Variants in C2orf42 observed in about 807,000 individuals in gnomAD.
C2orf42 encodes uncharacterized protein C2orf42.
Under a neutral mutation model 58.9 loss-of-function variants are expected in C2orf42, and 44 were observed. The ratio of observed to expected loss-of-function variants is 0.75; its 90% CI spans 0.59 to 0.96. C2orf42 has a LOEUF of 0.96. C2orf42 is among the 40% of genes least tolerant of loss of function. The probability of loss-of-function intolerance (pLI) is 0.00; values close to 1 mark genes in which losing one functional copy is unlikely to be tolerated. For missense variants in C2orf42, 630 were observed against 699.2 expected (o/e 0.90, Z 1.12); for synonymous variants, 239 against 265.4 (o/e 0.90, Z 0.97).
At chr2:70,179,080 T>C (rs1005967277) in intron 4 of C2orf42, among the ~76,000 whole-genome samples, 4 of 152,090 alleles carry the variant, frequency 2.6e-5, no homozygotes, top group Non-Finnish European at 5.9e-5. Flanking sequence ...GGATGAAAAC[T>C]TCATAATACT....
At chr2:70,153,687 A>C (rs972072879) in intron 9 of C2orf42, among the ~76,000 whole-genome samples, 1 of 151,416 alleles carries the variant, frequency 6.6e-6, no homozygotes, top group Non-Finnish European at 1.5e-5. Context: ...AAAAAAAAAA[A>C]AACTACATAA....
chr2:70,189,157 C>T (rs1015705478), intron 1 of C2orf42, among the ~76,000 whole-genome samples: 3 of 151,946 alleles, frequency 2.0e-5, no homozygotes, highest in Non-Finnish European at 4.4e-5. Flanking sequence ...CCTGTAATCC[C>T]AGCACTTTGG....
At position 70,184,950 on chromosome 2, in the gene C2orf42, C is replaced by T. The variant is rs1311423406; in HGVS notation, c.-281-2015G>A. 4.0e-5 allele frequency among the ~76,000 whole-genome samples: 6 copies of T among 151,672 alleles called. No individual in the cohort carries two copies. In the South Asian group the frequency reaches 8.3e-4, roughly 21 times the overall value. ...CTAAAAATACAAAAAATTAGCCGGGCGTGGTGGCGGGCACCTGTAGTCCCA... is the reference window on the plus strand; with the variant it reads ...CTAAAAATACAAAAAATTAGCCGGGTGTGGTGGCGGGCACCTGTAGTCCCA... On this transcript the variant is annotated intron_variant, in intron 1 of 9. Transcript: ENST00000264434.
intron 9 of C2orf42, among the ~76,000 whole-genome samples, chr2:70,156,785 C>T (rs1410031233): frequency 6.6e-6 from 1 of 151,036 alleles, no homozygotes; most frequent in Non-Finnish European, 1.5e-5. Flanking sequence ...TCGCTTGAGC[C>T]CAGGAGTTTG....
At chr2:70,164,419 G>GTCA (rs1345501867) in intron 8 of C2orf42, among the ~76,000 whole-genome samples, 1 of 151,964 alleles carries the variant, frequency 6.6e-6, no homozygotes, top group Non-Finnish European at 1.5e-5. Flanking sequence ...GGATCATGAG[G>GTCA]TCAGGAATTT....
intron 1 of C2orf42, among the ~76,000 whole-genome samples, chr2:70,183,588 C>T (rs1417642304): frequency 6.6e-6 from 1 of 151,640 alleles, no homozygotes; most frequent in African/African-American, 2.4e-5. Context: ...TGCCACCATG[C>T]CCGGCTAATT....
At chr2:70,189,341 G>C (rs77763467) in intron 1 of C2orf42, among the ~76,000 whole-genome samples, 8,604 of 145,246 alleles carry the variant, frequency 0.059, 318 homozygotes, top group East Asian at 0.17. Context: ...GGGAGCCAGA[G>C]GTTGCGGTGA....
intron 4 of C2orf42, among the ~76,000 whole-genome samples, chr2:70,176,402 G>C (rs1260916621): frequency 6.6e-6 from 1 of 151,974 alleles, no homozygotes; most frequent in African/African-American, 2.4e-5. Flanking sequence ...TACTCAGGAG[G>C]CTGAGGCAGG....
chr2:70,158,218 G>C (rs996714951), intron 9 of C2orf42, among the ~76,000 whole-genome samples: 43 of 149,186 alleles, frequency 2.9e-4, no homozygotes, highest in African/African-American at 9.6e-4. Flanking sequence ...AAAAAAGAAA[G>C]AAATTAAAGA....
intron 5 of C2orf42, among the ~76,000 whole-genome samples, chr2:70,172,017 A>T (rs1038265991): frequency 8.8e-5 from 13 of 147,620 alleles, no homozygotes; most frequent in Admixed American, 2.0e-4. Context: ...GAGGTCAGGA[A>T]TTCGAGACCA....
intron 6 of C2orf42, among the ~76,000 whole-genome samples, chr2:70,165,915 G>T (rs980994142): frequency 2.0e-5 from 3 of 151,928 alleles, no homozygotes; most frequent in Admixed American, 6.6e-5. Flanking sequence ...TTTTGAGATG[G>T]AGTCTCACTC....
chr2:70,160,820 G>A, intron 8 of C2orf42, 33 bp from the exon 9 acceptor site: 1 of 1,502,078 alleles, frequency 6.7e-7, no homozygotes, highest in African/African-American at 1.4e-5. Flanking sequence ...AAAAAGGTGA[G>A]AGAGAAAACT....
chr2:70,189,484 G>A (rs1484223738), intron 1 of C2orf42, among the ~76,000 whole-genome samples: 3 of 150,302 alleles, frequency 2.0e-5, no homozygotes, highest in Non-Finnish European at 3.0e-5. Flanking sequence ...TTGGGAGGCC[G>A]AGGCGGGCAG....
chr2:70,173,430 T>C (rs927072726), intron 5 of C2orf42, among the ~76,000 whole-genome samples: 2 of 151,544 alleles, frequency 1.3e-5, no homozygotes, highest in Admixed American at 6.6e-5. Flanking sequence ...CATGCCACCA[T>C]ACTTGGCTAC....
chr2:70,169,664 A>AG lies in C2orf42; in HGVS notation c.1040-4dup, dbSNP rs761598784. On this transcript the variant is annotated splice_region_variant and splice_polypyrimidine_tract_variant and intron_variant, in intron 5 of 9. Coordinates refer to ENST00000264434, the MANE Select transcript of C2orf42 (RefSeq NM_017880.3). ...CTCATCTAACAGCTGACCACAGGCT[A>AG]GGGAAAAAAAAACCACACATACACA... 5 of 1,511,988 alleles carry AG rather than the reference A, an allele frequency of 3.3e-6. No homozygotes were observed. In the South Asian group the frequency reaches 4.5e-5, roughly 14 times the overall value. The allele number at this position is 1,511,988 out of a possible 1,614,324, so 93.7% of individuals were successfully genotyped here. A position where few individuals can be genotyped will look rare whatever the true frequency, so the allele number is the denominator to read the frequency against.
At chr2:70,160,920 G>T in intron 8 of C2orf42, 133 bp from the exon 9 acceptor site, 1 of 589,794 alleles carries the variant, frequency 1.7e-6, no homozygotes, top group South Asian at 2.6e-5. Flanking sequence ...CAACTTCCCT[G>T]TTTTTCAAGA....
chr2:70,157,819 C>T (rs1042404799), intron 9 of C2orf42, among the ~76,000 whole-genome samples: 4 of 152,198 alleles, frequency 2.6e-5, no homozygotes, highest in Middle Eastern at 3.4e-3. Flanking sequence ...AAACTATATA[C>T]GAGTTTATAT....
chr2:70,156,293 G>C (rs944615474), intron 9 of C2orf42, among the ~76,000 whole-genome samples: 15 of 152,054 alleles, frequency 9.9e-5, no homozygotes, highest in Non-Finnish European at 1.5e-5. Flanking sequence ...ATTAAAATTA[G>C]AAAAACTCAA....
intron 6 of C2orf42, among the ~76,000 whole-genome samples, chr2:70,166,278 G>A (rs943952226): frequency 4.0e-5 from 6 of 149,574 alleles, no homozygotes; most frequent in Admixed American, 6.8e-5. Flanking sequence ...CAACTGAGTC[G>A]AGGAGGTTGA....
Sources: allele counts gnomAD v4.1 joint callset (sites outside exome capture counted in the v4.1 genomes callset), GRCh38; gene constraint gnomAD v4.1.1; transcripts MANE v1.5; gene names NCBI Gene and HGNC (gene_info 2026-07-23, HGNC 2026-07-21).